The following PIP5K1B variants were observed in gnomAD, a reference collection of about 807,000 sequenced individuals.
PIP5K1B encodes the protein phosphatidylinositol 4-phosphate 5-kinase type-1 beta.
A neutral mutation model predicts 67.0 loss-of-function variants in PIP5K1B; 42 were observed. The observed-to-expected ratio is 0.63, with a 90% CI of 0.49 to 0.81. The LOEUF is 0.81. PIP5K1B is among the 30% of genes least tolerant of loss of function. The pLI is 0.00. For missense variants in PIP5K1B, 459 were observed against 646.3 expected, an observed-to-expected ratio of 0.71 and a Z score of 3.14; for synonymous variants, 214 against 231.4, an observed-to-expected ratio of 0.92 and a Z score of 0.68.
chr9:68,917,471 A>G, intron 8 of PIP5K1B, 77 bp from the exon 9 acceptor site: 1 of 1,006,552 alleles, frequency 9.9e-7, no homozygotes, highest in Non-Finnish European at 1.6e-6. Context: ...CTGTATATCT[A>G]GAGCTCTCTG....
intron 6 of PIP5K1B, among the ~76,000 whole-genome samples, chr9:68,878,312 G>A (rs1239212652): frequency 6.6e-6 from 1 of 152,016 alleles, no homozygotes; most frequent in Admixed American, 6.6e-5. Context: ...CCTGTCTTTA[G>A]CCCTCCCATA....
chr9:68,908,649 T>G (rs577939411), intron 8 of PIP5K1B, among the ~76,000 whole-genome samples: 36 of 152,302 alleles, frequency 2.4e-4, no homozygotes, highest in African/African-American at 8.7e-4. Context: ...GAAATTTAAT[T>G]AAATTGAAAA....
At chr9:68,753,560 C>T (rs1260485627) in intron 2 of PIP5K1B, among the ~76,000 whole-genome samples, 2 of 111,100 alleles carry the variant, frequency 1.8e-5, no homozygotes, top group African/African-American at 3.5e-5. Context: ...AGTCTCACAC[C>T]GTCACCGAGG....
intron 8 of PIP5K1B, 124 bp from the exon 9 acceptor site, chr9:68,917,424 A>C (rs1826155289): frequency 8.2e-6 from 6 of 727,406 alleles, no homozygotes; most frequent in Non-Finnish European, 1.4e-5. Context: ...TTCATCTCTC[A>C]GCCACCCCGC....
intron 4 of PIP5K1B, among the ~76,000 whole-genome samples, chr9:68,859,088 A>G (rs1165447435): frequency 1.3e-5 from 2 of 152,366 alleles, no homozygotes; most frequent in East Asian, 1.9e-4. Flanking sequence ...CAGCGTATGC[A>G]CACACTAGCT....
At chr9:68,966,814 A>G (rs1829057854) in intron 14 of PIP5K1B, 1 of 152,242 alleles carries the variant, frequency 6.6e-6, no homozygotes, top group South Asian at 2.1e-4. Context: ...GCATTATAGT[A>G]ACACTTTGTT....
rs183052369 is a variant in PIP5K1B, at chr9:68,811,942, C to T, written c.-85-6519C>T. Among the ~76,000 whole-genome samples the T allele has an allele frequency of 2.2e-3, 339 of 152,234 alleles. 1 individual carries two copies. Among genetic ancestry groups the T allele is most frequent in the Non-Finnish European group, 3.7e-3 (251 of 68,020 alleles). ...GTCTACCACGCAGAGGTAGTGATTCCCTGGTTTCAGTGTGTGGCCCCAGAA... is the reference window on the plus strand; with the variant it reads ...GTCTACCACGCAGAGGTAGTGATTCTCTGGTTTCAGTGTGTGGCCCCAGAA... On this transcript the variant is annotated intron_variant, in intron 2 of 15. Transcript: ENST00000265382.
At chr9:68,864,033 G>A in intron 5 of PIP5K1B, 66 bp downstream of exon 5, 2 of 1,490,728 alleles carry the variant, frequency 1.3e-6, no homozygotes, top group Non-Finnish European at 1.9e-6. Context: ...ACCCCATATT[G>A]AAGGGCTTTT....
intron 6 of PIP5K1B, among the ~76,000 whole-genome samples, chr9:68,884,521 G>A (rs895155296): frequency 5.3e-5 from 8 of 151,884 alleles, no homozygotes; most frequent in East Asian, 1.9e-4. Flanking sequence ...AAAATTATTC[G>A]GGCATGGTGG....
intron 8 of PIP5K1B, among the ~76,000 whole-genome samples, chr9:68,914,112 T>C (rs961998313): frequency 6.6e-6 from 1 of 152,186 alleles, no homozygotes; most frequent in Admixed American, 6.5e-5. Flanking sequence ...AATTAATTCA[T>C]GGATGCTTTG....
At chr9:68,948,705 C>T (rs1827918046) in intron 14 of PIP5K1B, among the ~76,000 whole-genome samples, 2 of 56,274 alleles carry the variant, frequency 3.6e-5, no homozygotes, top group Non-Finnish European at 8.2e-5. Flanking sequence ...GTTTTTCCTC[C>T]CCACCCCCAG....
chr9:68,859,565 T>C (rs76650674), intron 4 of PIP5K1B, among the ~76,000 whole-genome samples: 19,248 of 152,182 alleles, frequency 0.13, 1,342 homozygotes, highest in Non-Finnish European at 0.16. Context: ...CCTAGCACTT[T>C]TAGAGCATAT....
At chr9:68,788,079 C>G (rs968232269) in intron 2 of PIP5K1B, among the ~76,000 whole-genome samples, 1 of 152,210 alleles carries the variant, frequency 6.6e-6, no homozygotes, top group East Asian at 1.9e-4. Flanking sequence ...ATCTCTACCC[C>G]CATCACACAC....
At chr9:68,723,597 T>C (rs1827996503) in intron 1 of PIP5K1B, among the ~76,000 whole-genome samples, 1 of 152,082 alleles carries the variant, frequency 6.6e-6, no homozygotes, top group Non-Finnish European at 1.5e-5. Flanking sequence ...TGATTAGTGA[T>C]GTTGAGCATT....
At chr9:69,001,355 AT>A (rs1830817939) in intron 15 of PIP5K1B, among the ~76,000 whole-genome samples, 2 of 151,902 alleles carry the variant, frequency 1.3e-5, no homozygotes, top group Admixed American at 6.6e-5. Flanking sequence ...CTCCCCCCAC[AT>A]TTTTCAAATG....
chr9:68,935,835 G>T (rs377004544), intron 13 of PIP5K1B: 36 of 152,262 alleles, frequency 2.4e-4, no homozygotes, highest in African/African-American at 7.2e-4. Flanking sequence ...ATAACCATGA[G>T]CAGGTACCAA....
intron 2 of PIP5K1B, among the ~76,000 whole-genome samples, chr9:68,745,196 G>A (rs1305592743): frequency 6.6e-6 from 1 of 152,196 alleles, no homozygotes; most frequent in East Asian, 1.9e-4. Context: ...GCCCCCTCAT[G>A]AGGCTGGAAG....
At chr9:68,849,014 G>C (rs1255302891) in intron 4 of PIP5K1B, among the ~76,000 whole-genome samples, 1 of 152,206 alleles carries the variant, frequency 6.6e-6, no homozygotes, top group African/African-American at 2.4e-5. Flanking sequence ...ACAGCACTCT[G>C]TTGGTGAGTA....
intron 14 of PIP5K1B, among the ~76,000 whole-genome samples, chr9:68,987,778 G>A (rs1186787108): frequency 6.6e-6 from 1 of 152,022 alleles, no homozygotes; most frequent in East Asian, 1.9e-4. Flanking sequence ...AATGAGAGAG[G>A]AGCAAAAGCA....
Sources: allele counts gnomAD v4.1 joint callset (sites outside exome capture counted in the v4.1 genomes callset), GRCh38; gene constraint gnomAD v4.1.1; transcripts MANE v1.5; gene names NCBI Gene and HGNC (gene_info 2026-07-23, HGNC 2026-07-21).